The following PPP4R4 variants were observed in gnomAD, a reference collection of about 807,000 sequenced individuals.
The protein encoded by PPP4R4 is protein phosphatase 4 regulatory subunit 4.
PPP4R4 carries 70 observed loss-of-function variants against 121.8 expected under a neutral mutation model. The observed-to-expected ratio is 0.57, with a 90% confidence interval of 0.47 to 0.70. The LOEUF (loss-of-function observed/expected upper bound fraction) is 0.70, where lower values mean the gene tolerates loss of function less well. PPP4R4 is among the 30% of genes least tolerant of loss of function. The probability of loss-of-function intolerance (pLI) is 0.00; values close to 1 mark genes in which losing one functional copy is unlikely to be tolerated. For missense variants in PPP4R4, 875 were observed against 1,033.6 expected (o/e 0.85, Z 2.10); for synonymous variants, 348 against 355.7 (o/e 0.98, Z 0.24).
chr14:94,191,393 T>A (rs1192754592), intron 2 of PPP4R4, among the ~76,000 whole-genome samples: 1 of 152,146 alleles, frequency 6.6e-6, no homozygotes. Context: ...TTGTATGTAT[T>A]TATGGGATAC....
intron 17 of PPP4R4, among the ~76,000 whole-genome samples, chr14:94,258,514 A>G (rs570644243): frequency 3.7e-4 from 57 of 152,202 alleles, no homozygotes; most frequent in Admixed American, 1.8e-3. Flanking sequence ...TAGTTAGATT[A>G]TATGCATTTG....
chr14:94,276,718 T>G (rs1894661549), intron 24 of PPP4R4, among the ~76,000 whole-genome samples: 1 of 152,204 alleles, frequency 6.6e-6, no homozygotes, highest in Non-Finnish European at 1.5e-5. Flanking sequence ...ACATGAGATT[T>G]GGGCAGGGAC....
At chr14:94,213,237 G>A (rs1438330548) in intron 3 of PPP4R4, among the ~76,000 whole-genome samples, 1 of 152,162 alleles carries the variant, frequency 6.6e-6, no homozygotes, top group Admixed American at 6.5e-5. Flanking sequence ...CTACTCATTA[G>A]CTGATCATGA....
At chr14:94,209,129 T>A (rs1243115) in intron 3 of PPP4R4, among the ~76,000 whole-genome samples, 68,935 of 151,662 alleles carry the variant, frequency 0.45, 18,278 homozygotes, top group Non-Finnish European at 0.61. Flanking sequence ...TGATTATTAA[T>A]ATAAAATTAA....
At chr14:94,275,679 G>A (rs1165293734) in intron 24 of PPP4R4, among the ~76,000 whole-genome samples, 158 bp downstream of exon 24, 1 of 152,138 alleles carries the variant, frequency 6.6e-6, no homozygotes, top group Non-Finnish European at 1.5e-5. Flanking sequence ...ACTCTGTTAT[G>A]TTAGTTTATA....
rs868771989 is a variant in PPP4R4 at position 94,242,294 on chromosome 14, G to A, written c.1152G>A (p.Met384Ile). 2 of 1,611,662 alleles carry A rather than the reference G, an allele frequency of 1.2e-6. No homozygotes were observed. The highest frequency in any genetic ancestry group is 1.7e-6 in the Non-Finnish European group (2 of 1,178,288). Residue 384 changes from methionine to isoleucine, a missense_variant, in exon 11 of 25, where the codon ATG (methionine) becomes ATA (isoleucine). Met to Ile is a conservative substitution (Grantham distance 10, BLOSUM62 1). Transcript: ENST00000304338. ...CTCCCTTCCACCTCCACCAGGCCAT[G>A]ATTGTTTTTGTTGATCCTAAAAACT... ...RKNCAYNFPA[M>I]IVFVDPKNFH...
At chr14:94,265,329 A>G (rs576247121) in intron 20 of PPP4R4, 58 bp from the exon 21 acceptor site, 1 of 1,244,606 alleles carries the variant, frequency 8.0e-7, no homozygotes, top group Non-Finnish European at 1.2e-6. Context: ...TTGTGTATTT[A>G]TGGAGATTAA....
At chr14:94,239,261 C>T (rs984572439) in intron 8 of PPP4R4, among the ~76,000 whole-genome samples, 5 of 150,884 alleles carry the variant, frequency 3.3e-5, no homozygotes, top group Non-Finnish European at 5.9e-5. Context: ...AGGTTTGTTA[C>T]ATATGTATAC....
In PPP4R4 at chr14:94,259,288, T is replaced by A; in HGVS notation, c.2053-7T>A. On this transcript the variant is annotated splice_polypyrimidine_tract_variant and splice_region_variant and intron_variant, in intron 18 of 24. Transcript: ENST00000304338. ...TGTTTCACAATTTCATTTTAAACTTTAAACAGTTTCAGAAAAAGTTTTATG... is the reference window on the plus strand; with the variant it reads ...TGTTTCACAATTTCATTTTAAACTTAAAACAGTTTCAGAAAAAGTTTTATG... The A allele has an allele frequency of 4.4e-6, 7 of 1,600,012 alleles. No individual in the cohort carries two copies. Among genetic ancestry groups the A allele is most frequent in the Non-Finnish European group, 6.0e-6 (7 of 1,175,014 alleles).
intron 3 of PPP4R4, chr14:94,227,421 G>GT (rs764482230): frequency 1.3e-6 from 2 of 1,590,340 alleles, no homozygotes; most frequent in Non-Finnish European, 8.6e-7. Context: ...AGAAAAATAT[G>GT]TTTAGAAAAT....
intron 2 of PPP4R4, among the ~76,000 whole-genome samples, chr14:94,189,603 C>A (rs1291778434): frequency 6.6e-6 from 1 of 152,166 alleles, no homozygotes; most frequent in African/African-American, 2.4e-5. Flanking sequence ...GTGGCTGTAG[C>A]CTTGGCCTTT....
chr14:94,265,338 A>G, intron 20 of PPP4R4, 49 bp from the exon 21 acceptor site: 1 of 1,336,550 alleles, frequency 7.5e-7, no homozygotes, highest in Non-Finnish European at 1.1e-6. Flanking sequence ...TATGGAGATT[A>G]ATAAGGACTT....
chr14:94,253,156 G>A (rs1893280002), intron 16 of PPP4R4, among the ~76,000 whole-genome samples: 1 of 152,178 alleles, frequency 6.6e-6, no homozygotes, highest in South Asian at 2.1e-4. Context: ...CATTTAAAGT[G>A]AATTGAAAAG....
chr14:94,231,334 C>CA lies in PPP4R4; in HGVS notation c.516+22dup, dbSNP rs765450326. The stretch of plus-strand genomic sequence containing the variant: ...GCATGAGGTAATACTTTCATGGGGG[C>CA]AAATACTAATAAGTAAGTCACTCTA... On this transcript the variant is annotated intron_variant, in intron 5 of 24. Transcript: ENST00000304338. 24 of 1,567,416 alleles carry CA rather than the reference C, an allele frequency of 1.5e-5. No individual in the cohort carries two copies. Among genetic ancestry groups the CA allele is most frequent in the Non-Finnish European group, 2.0e-5 (23 of 1,142,172 alleles).
intron 8 of PPP4R4, 88 bp from the exon 9 acceptor site, chr14:94,240,585 T>C (rs531469392): frequency 7.3e-7 from 1 of 1,376,990 alleles, no homozygotes; most frequent in Non-Finnish European, 9.8e-7. Flanking sequence ...GTAATTTTTC[T>C]TTCTGGAATT....
rs187030649 is a variant in PPP4R4 at position 94,209,921 on chromosome 14, G to A, written c.294+1355G>A. Among the ~76,000 whole-genome samples the A allele has an allele frequency of 7.3e-4, 111 of 152,168 alleles. 1 individual carries two copies. The East Asian group carries it at 0.018, about 24-fold the overall frequency. On this transcript the variant is annotated intron_variant, in intron 3 of 24. Transcript: ENST00000304338. Reference sequence around the variant, plus strand: ...ATGCAAGAATAAAAGATGAAAGAGAGCAGTGAACTTTAGAGGTCTCTAAAT... The same window carrying A: ...ATGCAAGAATAAAAGATGAAAGAGAACAGTGAACTTTAGAGGTCTCTAAAT...
chr14:94,179,913 G>C (rs1290947659), intron 2 of PPP4R4, among the ~76,000 whole-genome samples: 1 of 151,800 alleles, frequency 6.6e-6, no homozygotes, highest in Non-Finnish European at 1.5e-5. Context: ...GGAATAAAGA[G>C]TATTTAAGAT....
At chr14:94,265,939 A>C in intron 22 of PPP4R4, 52 bp downstream of exon 22, 1 of 1,167,876 alleles carries the variant, frequency 8.6e-7, no homozygotes, top group South Asian at 1.5e-5. Context: ...CTTTATTCAC[A>C]TCTTCATATA....
At chr14:94,234,858 G>A (rs542828666) in intron 7 of PPP4R4, among the ~76,000 whole-genome samples, 189 bp downstream of exon 7, 130 of 152,230 alleles carry the variant, frequency 8.5e-4, no homozygotes, top group African/African-American at 3.0e-3. Flanking sequence ...CACCTTAGTT[G>A]CTTAGTTATC....
Sources: gnomAD v4.1 joint callset for allele counts (sites outside exome capture counted in the v4.1 genomes callset) on GRCh38, gnomAD v4.1.1 for gene constraint, MANE v1.5 for transcripts, NCBI Gene and HGNC (gene_info 2026-07-23, HGNC 2026-07-21) for gene names.